Variants in MLIP observed in about 807,000 individuals in gnomAD.
MLIP encodes muscular LMNA interacting protein.
In MLIP, 79 loss-of-function variants were observed where a neutral mutation model predicts 84.8. That is an observed-to-expected ratio of 0.93 (90% CI 0.78 to 1.12). The LOEUF is 1.12. Ranked by LOEUF, MLIP falls within the 50% of genes most tolerant of loss-of-function variation. The pLI is 0.00. For missense variants in MLIP, 1,257 were observed against 1,160.6 expected (o/e 1.08, Z -1.21); for synonymous variants, 504 against 463.0 (o/e 1.09, Z -1.14).
At chr6:54,247,531 A>C (rs555870236) in intron 12 of MLIP, among the ~76,000 whole-genome samples, 1 of 152,130 alleles carries the variant, frequency 6.6e-6, no homozygotes, top group Non-Finnish European at 1.5e-5. Context: ...GAAGGAAAAC[A>C]CTGGGTGTAC....
chr6:54,133,407 G>A (rs1294116623), intron 3 of MLIP, among the ~76,000 whole-genome samples: 1 of 152,196 alleles, frequency 6.6e-6, no homozygotes, highest in Non-Finnish European at 1.5e-5. Flanking sequence ...CTGCCATTAT[G>A]CAATGATTGG....
At chr6:54,211,089 A>C (rs1779418442) in intron 11 of MLIP, among the ~76,000 whole-genome samples, 1 of 152,034 alleles carries the variant, frequency 6.6e-6, no homozygotes. Flanking sequence ...AAATACAAAA[A>C]ATTAGCTGGG....
intron 1 of MLIP, among the ~76,000 whole-genome samples, chr6:54,023,169 A>AT (rs1439402488): frequency 6.0e-5 from 4 of 67,034 alleles, no homozygotes; most frequent in African/African-American, 1.2e-4. Flanking sequence ...TCCATCTCAA[A>AT]AAATAATAAT....
chr6:54,137,510 C>G lies in MLIP; in HGVS notation c.1441C>G (p.Leu481Val), dbSNP rs1561969914. The change falls in exon 4 of 14, where the codon CTC (leucine) becomes GTC (valine). Residue 481 changes from leucine to valine, a missense_variant. By Grantham distance (32) the Leu-to-Val change is conservative. Coordinates refer to ENST00000502396, the MANE Select transcript of MLIP (RefSeq NM_001281747.2). ...LRAGSPDQGE[L>V]QVSELTQQSF... ...AGCCGGGTCACCAGATCAAGGGGAA[C>G]TCCAGGTTTCTGAATTGACCCAGCA... 2.0e-6 allele frequency: 3 copies of G among 1,536,016 alleles called. No homozygotes were observed.
intron 4 of MLIP, among the ~76,000 whole-genome samples, chr6:54,141,451 T>C (rs1490331495): frequency 6.6e-6 from 1 of 151,678 alleles, no homozygotes; most frequent in Non-Finnish European, 1.5e-5. Context: ...GGATTACAGG[T>C]GTGCACCATA....
At chr6:54,232,797 G>A (rs1237516860) in intron 12 of MLIP, among the ~76,000 whole-genome samples, 1 of 152,248 alleles carries the variant, frequency 6.6e-6, no homozygotes, top group East Asian at 1.9e-4. Context: ...TGACCTTACA[G>A]CTTTGCCTAC....
In MLIP at chr6:54,136,818, T is replaced by C; in HGVS notation, c.749T>C (p.Leu250Pro). The C allele has an allele frequency of 6.5e-7, 1 of 1,530,932 alleles. No individual in the cohort carries two copies. Among genetic ancestry groups the C allele is most frequent in the African/African-American group, 1.4e-5 (1 of 73,026 alleles). The allele number at this position is 1,530,932 out of a possible 1,614,324, so 94.8% of individuals were successfully genotyped here. ...AACACACCACCCGACCCAGTTAACC[T>C]CGAGGGAGCCTCTGTCCTAGAGGAG... ...NPNTPPDPVN[L>P]EGASVLEEFH... The change falls in exon 4 of 14, where the codon CTC becomes CCC. Residue 250 changes from leucine to proline, a missense_variant. Leu to Pro is a moderately conservative substitution (Grantham distance 98, BLOSUM62 -3). Transcript: ENST00000502396.
At chr6:54,156,062 G>A (rs1168522329) in intron 5 of MLIP, among the ~76,000 whole-genome samples, 1 of 151,948 alleles carries the variant, frequency 6.6e-6, no homozygotes, top group Non-Finnish European at 1.5e-5. Context: ...CTTCCTGCTG[G>A]CTAGCTTGCC....
intron 1 of MLIP, among the ~76,000 whole-genome samples, chr6:54,061,877 T>C (rs1765983340): frequency 6.6e-6 from 1 of 152,206 alleles, no homozygotes; most frequent in African/African-American, 2.4e-5. Context: ...CTATTTTGGT[T>C]ATAGCTCCAG....
At chr6:54,164,865 A>G (rs1048456679) in intron 8 of MLIP, among the ~76,000 whole-genome samples, 1 of 151,918 alleles carries the variant, frequency 6.6e-6, no homozygotes, top group Non-Finnish European at 1.5e-5. Flanking sequence ...TCACCAGTTA[A>G]TAGATGGCTG....
rs992102255 is a variant in MLIP, at chr6:54,112,075, T to C, written c.96+500T>C. ...TTAATCCTTTTATCTCATATTTCTA[T>C]GACTAAATTAGTTTCCCAAGGATAG... On this transcript the variant is annotated intron_variant, in intron 1 of 13. Coordinates refer to ENST00000502396, the MANE Select transcript of MLIP (RefSeq NM_001281747.2). Among the ~76,000 whole-genome samples the C allele has an allele frequency of 7.9e-5, 12 of 152,336 alleles. No homozygotes were observed. The East Asian group carries it at 1.9e-3, about 24-fold the overall frequency.
At chr6:54,057,882 C>G (rs1266276633) in intron 1 of MLIP, 1 of 151,888 alleles carries the variant, frequency 6.6e-6, no homozygotes, top group African/African-American at 2.4e-5. Flanking sequence ...GACAGAGAGG[C>G]AAAAATAGAG....
Position 54,077,549 on chromosome 6 carries a change from T to C in MLIP, c.64-43898T>C, listed in dbSNP as rs146385188. On this transcript the variant is annotated intron_variant, in intron 1 of 12. Coordinates refer to the MLIP transcript ENST00000274897. Reference sequence around the variant, plus strand: ...ATTACATCTAATACGTGTTTCAAGATAATTTGCTTGAAAAACATACCAAAC... The same window carrying C: ...ATTACATCTAATACGTGTTTCAAGACAATTTGCTTGAAAAACATACCAAAC... Among the ~76,000 whole-genome samples, 626 of 152,280 alleles carry C rather than the reference T, an allele frequency of 4.1e-3. 2 individuals are homozygous for C. The highest frequency in any genetic ancestry group is 0.014 in the African/African-American group (596 of 41,556).
intron 9 of MLIP, among the ~76,000 whole-genome samples, chr6:54,171,368 G>A (rs565210129): frequency 1.9e-3 from 285 of 151,600 alleles, no homozygotes; most frequent in Non-Finnish European, 3.2e-3. Context: ...ATTAAAATTC[G>A]TTTCCTATGT....
chr6:54,031,217 T>TG (rs1764114564), intron 1 of MLIP, among the ~76,000 whole-genome samples: 1 of 151,892 alleles, frequency 6.6e-6, no homozygotes, highest in South Asian at 2.1e-4. Flanking sequence ...CAGAGTAATT[T>TG]TTTTTTGTAA....
chr6:54,182,672 T>C (rs1777002825), intron 9 of MLIP, among the ~76,000 whole-genome samples: 2 of 152,222 alleles, frequency 1.3e-5, no homozygotes, highest in African/African-American at 2.4e-5. Context: ...GTAGAGGGAA[T>C]TTTTTGTCTT....
Position 54,230,914 on chromosome 6 carries a change from C to A in MLIP, c.2919C>A (p.Asn973Lys). 1 of 1,613,812 alleles carries A rather than the reference C, an allele frequency of 6.2e-7. No homozygotes were observed. Among genetic ancestry groups the A allele is most frequent in the Non-Finnish European group, 8.5e-7 (1 of 1,179,860 alleles). Residue 973 changes from asparagine (N) to lysine (K), a missense_variant, in exon 12 of 14, where the codon AAC (asparagine) becomes AAA (lysine). By Grantham distance (94) the Asn-to-Lys change is moderately conservative. Transcript: ENST00000502396. ...SHTLLSHNAC[N>K]KLSHPMVAIP... is the part of the protein sequence containing the mutation. ...CCCTCCTCAGTCACAACGCATGCAACAAGGTGAGAACTCCTCCCCAAAATG... is the reference window on the plus strand; with the variant it reads ...CCCTCCTCAGTCACAACGCATGCAAAAAGGTGAGAACTCCTCCCCAAAATG...
rs368740332 is a variant in MLIP, at chr6:54,243,887, A to C, written c.2922+12970A>C. On this transcript the variant is annotated intron_variant, in intron 12 of 13. Coordinates refer to ENST00000502396, the MANE Select transcript of MLIP (RefSeq NM_001281747.2). ...AGAAAACTGAAGCCCAAAGATGCAAAGTGACATACCCAAGGCCATGGCATG... is the reference window on the plus strand; with the variant it reads ...AGAAAACTGAAGCCCAAAGATGCAACGTGACATACCCAAGGCCATGGCATG... Among the ~76,000 whole-genome samples the C allele has an allele frequency of 5.3e-4, 81 of 152,282 alleles. 1 individual carries two copies. The highest frequency in any genetic ancestry group is 1.9e-3 in the African/African-American group (77 of 41,548).
chr6:54,201,155 C>G (rs547466268), intron 10 of MLIP, among the ~76,000 whole-genome samples: 10 of 152,288 alleles, frequency 6.6e-5, no homozygotes, highest in African/African-American at 2.2e-4. Context: ...TTTGAAATTA[C>G]CCCAAACTAG....
Sources: allele counts gnomAD v4.1 joint callset (sites outside exome capture counted in the v4.1 genomes callset), GRCh38; gene constraint gnomAD v4.1.1; transcripts MANE v1.5; gene names NCBI Gene and HGNC (gene_info 2026-07-23, HGNC 2026-07-21).